Variants in OR14A2 observed in about 807,000 individuals in gnomAD.
OR14A2 encodes the protein olfactory receptor family 14 subfamily A member 2.
For missense variants in OR14A2, 237 were observed against 152.9 expected (o/e 1.55, Z -2.90); for synonymous variants, 114 against 58.6 (o/e 1.95, Z -4.32).
At chr1:247,742,611 G>C in the OR14A2 span, among the ~76,000 whole-genome samples, 1 of 152,152 alleles carries the variant, frequency 6.6e-6, no homozygotes, top group African/African-American at 2.4e-5. Context: ...GCTTGTTCTA[G>C]GAAAGTGGGC....
At chr1:247,739,329 T>G in the OR14A2 span, 1 of 780,840 alleles carries the variant, frequency 1.3e-6, no homozygotes, top group African/African-American at 1.7e-5. Flanking sequence ...CTTTTCCAAC[T>G]GTGTGCCTCA....
the OR14A2 span, among the ~76,000 whole-genome samples, chr1:247,734,145 A>G: frequency 3.3e-5 from 5 of 152,184 alleles, no homozygotes; most frequent in African/African-American, 1.2e-4. Flanking sequence ...GCTTATTAAG[A>G]TAAAGTGAGG....
At chr1:247,736,275 A>G in the OR14A2 span, among the ~76,000 whole-genome samples, 108 of 152,126 alleles carry the variant, frequency 7.1e-4, no homozygotes, top group African/African-American at 2.6e-3. Context: ...AGAAATGGTA[A>G]AGAAACATAT....
chr1:247,728,103 T>A (rs376430689), upstream of OR14A2, among the ~76,000 whole-genome samples: 5 of 150,092 alleles, frequency 3.3e-5, no homozygotes, highest in South Asian at 1.1e-3. Context: ...TACCAAAGCC[T>A]GGCAGAGACA....
chr1:247,736,945 C>G, the OR14A2 span, among the ~76,000 whole-genome samples: 1 of 152,134 alleles, frequency 6.6e-6, no homozygotes. Flanking sequence ...TGAGTCTTTT[C>G]AACTTAAAAC....
chr1:247,724,444 T>C (rs1660285093), upstream of OR14A2, among the ~76,000 whole-genome samples: 1 of 152,128 alleles, frequency 6.6e-6, no homozygotes. Context: ...CAAAGGCCCA[T>C]GTCTTTAGAT....
At chr1:247,741,794 T>C in the OR14A2 span, among the ~76,000 whole-genome samples, 1 of 152,196 alleles carries the variant, frequency 6.6e-6, no homozygotes, top group Non-Finnish European at 1.5e-5. Context: ...TCTGATAGGT[T>C]GTGCTATGCA....
chr1:247,724,902 G>T (rs1048309469), upstream of OR14A2, among the ~76,000 whole-genome samples: 5 of 151,894 alleles, frequency 3.3e-5, no homozygotes, highest in African/African-American at 1.2e-4. Context: ...TTCTTTCAGT[G>T]TTTAAAATAT....
At chr1:247,723,789 G>A in exon 1 of OR14A2, 1 of 718,124 alleles carries the variant, frequency 1.4e-6, no homozygotes, top group Non-Finnish European at 2.6e-6. Context: ...AATTGTTGTG[G>A]GTTAGGTTGT....
At chr1:247,747,490 T>C in the OR14A2 span, among the ~76,000 whole-genome samples, 1 of 151,484 alleles carries the variant, frequency 6.6e-6, no homozygotes, top group South Asian at 2.1e-4. Context: ...GCCTCCCGAG[T>C]AGCTGGAACT....
the OR14A2 span, among the ~76,000 whole-genome samples, chr1:247,734,505 G>A: frequency 2.6e-5 from 4 of 152,152 alleles, no homozygotes; most frequent in South Asian, 2.1e-4. Context: ...TGGGGGTTGT[G>A]TACTGATATG....
upstream of OR14A2, among the ~76,000 whole-genome samples, chr1:247,727,538 C>A (rs1358089688): frequency 6.6e-6 from 1 of 151,448 alleles, no homozygotes; most frequent in East Asian, 1.9e-4. Flanking sequence ...CAAACAAATT[C>A]AAAAGCTAGC....
At chr1:247,745,882 C>T in the OR14A2 span, among the ~76,000 whole-genome samples, 1 of 152,076 alleles carries the variant, frequency 6.6e-6, no homozygotes, top group East Asian at 1.9e-4. Context: ...TTGAGACTTC[C>T]TTGCATTTCT....
upstream of OR14A2, among the ~76,000 whole-genome samples, chr1:247,726,998 A>G (rs1660389000): frequency 6.7e-6 from 1 of 149,836 alleles, no homozygotes; most frequent in Non-Finnish European, 1.5e-5. Flanking sequence ...TTGGCTTAGG[A>G]TTGCCTTGGC....
chr1:247,723,394 A>G (rs1385506839), exon 1 of OR14A2: 1 of 717,482 alleles, frequency 1.4e-6, no homozygotes, highest in Non-Finnish European at 2.6e-6. Context: ...GAAGATATAA[A>G]TGTAAGAGAT....
At chr1:247,734,685 C>G in the OR14A2 span, among the ~76,000 whole-genome samples, 8,005 of 152,196 alleles carry the variant, frequency 0.053, 215 homozygotes, top group Non-Finnish European at 0.067. Flanking sequence ...AATCAATAAG[C>G]TAATTTTTAA....
At chr1:247,725,567 C>G (rs1353312678), upstream of OR14A2, among the ~76,000 whole-genome samples, 1 of 146,994 alleles carries the variant, frequency 6.8e-6, no homozygotes, top group East Asian at 2.0e-4. Context: ...TTTTAGGGTA[C>G]ATGTGCACAT....
upstream of OR14A2, among the ~76,000 whole-genome samples, chr1:247,728,375 C>T (rs540951921): frequency 2.6e-5 from 4 of 151,812 alleles, no homozygotes; most frequent in African/African-American, 9.7e-5. Flanking sequence ...ATTCAACAAC[C>T]CTTCATGCTA....
the OR14A2 span, among the ~76,000 whole-genome samples, chr1:247,732,997 T>C: frequency 6.6e-6 from 1 of 152,176 alleles, no homozygotes; most frequent in Non-Finnish European, 1.5e-5. Flanking sequence ...AGATTCTTTC[T>C]TGGCTTTTTA....
Sources: allele counts gnomAD v4.1 joint callset (sites outside exome capture counted in the v4.1 genomes callset), GRCh38; gene constraint gnomAD v4.1.1; transcripts MANE v1.5; gene names NCBI Gene and HGNC (gene_info 2026-07-23, HGNC 2026-07-21).